The following MTOR variants were observed in gnomAD, a reference collection of about 807,000 sequenced individuals.
The protein encoded by MTOR is serine/threonine-protein kinase mTOR.
MTOR carries 70 observed loss-of-function variants against 319.8 expected under a neutral mutation model. That is an observed-to-expected ratio of 0.22 (90% CI 0.18 to 0.27). The LOEUF is 0.27. Among genes scored for constraint, MTOR ranks in the 10% least tolerant of loss-of-function variants. The probability of loss-of-function intolerance (pLI) is 1.00; values close to 1 mark genes in which losing one functional copy is unlikely to be tolerated. For synonymous variants in MTOR, 1,183 were observed against 1,211.4 expected, an observed-to-expected ratio of 0.98 and a Z score of 0.49; for missense variants, 1,890 against 3,274.4, an observed-to-expected ratio of 0.58 and a Z score of 10.32.
At chr1:11,234,823 T>C (rs1647142978) in intron 13 of MTOR, among the ~76,000 whole-genome samples, 1 of 152,104 alleles carries the variant, frequency 6.6e-6, no homozygotes, top group African/African-American at 2.4e-5. Context: ...GAAGCCTTAC[T>C]GACTGGAGAT....
intron 11 of MTOR, among the ~76,000 whole-genome samples, chr1:11,239,832 G>A (rs997922612): frequency 6.6e-6 from 1 of 151,478 alleles, no homozygotes; most frequent in African/African-American, 2.4e-5. Context: ...TTGAACCCAG[G>A]AGGCAGAGGT....
intron 4 of MTOR, 59 bp downstream of exon 4, chr1:11,256,874 C>A: frequency 1.3e-6 from 2 of 1,501,240 alleles, no homozygotes; most frequent in Non-Finnish European, 1.8e-6. Flanking sequence ...AAGCAAAAGA[C>A]CCCCCCATGA....
intron 29 of MTOR, among the ~76,000 whole-genome samples, chr1:11,159,974 G>A (rs1448718918): frequency 6.6e-6 from 1 of 152,066 alleles, no homozygotes; most frequent in Non-Finnish European, 1.5e-5. Context: ...AAGAATAACA[G>A]AAACATTTTA....
intron 28 of MTOR, among the ~76,000 whole-genome samples, chr1:11,174,789 C>T (rs992922186): frequency 4.1e-4 from 62 of 152,242 alleles, no homozygotes; most frequent in Middle Eastern, 3.4e-3. Flanking sequence ...TCTATAAACA[C>T]CCCCTTGGGT....
chr1:11,149,548 G>A (rs1361680764), intron 31 of MTOR: 1 of 152,400 alleles, frequency 6.6e-6, no homozygotes, highest in Non-Finnish European at 1.5e-5. Flanking sequence ...GTAAATGTAA[G>A]TAAAGTGTCT....
At chr1:11,197,626 C>A (rs1239943767) in intron 28 of MTOR, among the ~76,000 whole-genome samples, 1 of 152,198 alleles carries the variant, frequency 6.6e-6, no homozygotes, top group Non-Finnish European at 1.5e-5. Flanking sequence ...ATTGCAACCT[C>A]CACCTCCCAG....
At position 11,252,549 on chromosome 1, in the gene MTOR, T is replaced by C. The variant is rs565606040; in HGVS notation, c.840+1290A>G. Among the ~76,000 whole-genome samples, 3 of 152,272 alleles carry C rather than the reference T, an allele frequency of 2.0e-5. No homozygotes were observed. In the South Asian group the frequency reaches 6.2e-4, roughly 32 times the overall value. ...GCCCAATGAGGTAGGTAAGAGCCCC[T>C]GTCCAAAGGGAGAAAAATGAGGCTA... is the stretch of plus-strand genomic sequence containing the variant. On this transcript the variant is annotated intron_variant, in intron 6 of 57. Coordinates refer to ENST00000361445, the MANE Select transcript of MTOR (RefSeq NM_004958.4).
chr1:11,256,476 G>T (rs564890784), intron 4 of MTOR, among the ~76,000 whole-genome samples: 3 of 152,342 alleles, frequency 2.0e-5, no homozygotes, highest in South Asian at 2.1e-4. Flanking sequence ...TATACTAACA[G>T]CCTAGAACTC....
At chr1:11,252,851 C>T (rs1649872885) in intron 6 of MTOR, among the ~76,000 whole-genome samples, 1 of 152,218 alleles carries the variant, frequency 6.6e-6, no homozygotes, top group Non-Finnish European at 1.5e-5. Flanking sequence ...AAAGCCACCA[C>T]TGTCACTCAC....
At position 11,205,342 on chromosome 1, in the gene MTOR, C is replaced by A. The variant is rs529153673; in HGVS notation, c.3802-639G>T. Among the ~76,000 whole-genome samples the A allele has an allele frequency of 8.5e-5, 13 of 152,310 alleles. No homozygotes were observed. The South Asian group carries it at 2.5e-3, about 29-fold the overall frequency. On this transcript the variant is annotated intron_variant, in intron 25 of 57. Coordinates refer to ENST00000361445, the MANE Select transcript of MTOR (RefSeq NM_004958.4). ...AGTATAGTGTAGTGGGCAACAGCTA[C>A]ACTTGACTCAATGGCTTCAGTTCAA...
chr1:11,128,302 G>C lies in MTOR; in HGVS notation c.5910+152C>G. ...GCTTTCTTTTTAGCAAGGCTCCCGG[G>C]CCCTCTGGGACGGCTGGCTGGACAG... On this transcript the variant is annotated intron_variant, in intron 42 of 57. Transcript: ENST00000361445. This position sits in a 1 kb window ranked among gnomAD's most constrained non-coding sequence, Gnocchi z 5.3. 7.5e-6 allele frequency: 9 copies of C among 1,204,198 alleles called. No homozygotes were observed. Among genetic ancestry groups the C allele is most frequent in the Non-Finnish European group, 1.1e-5 (9 of 856,138 alleles). 74.6% of individuals were successfully genotyped at this position (1,204,198 alleles called of 1,614,324 possible).
At chr1:11,233,768 A>T (rs1451299568) in intron 14 of MTOR, among the ~76,000 whole-genome samples, 2 of 152,214 alleles carry the variant, frequency 1.3e-5, no homozygotes, top group Non-Finnish European at 2.9e-5. Context: ...ATTAACATAC[A>T]TTATAAAGGA....
At chr1:11,255,878 C>T in intron 5 of MTOR, 114 bp downstream of exon 5, 1 of 946,498 alleles carries the variant, frequency 1.1e-6, no homozygotes, top group Non-Finnish European at 1.5e-6. Flanking sequence ...CATTTGAGAG[C>T]AAACCAAAAC....
intron 11 of MTOR, among the ~76,000 whole-genome samples, chr1:11,239,079 C>G (rs557127364): frequency 6.6e-6 from 1 of 152,122 alleles, no homozygotes; most frequent in South Asian, 2.1e-4. Flanking sequence ...AGGCCTGACC[C>G]AGAACTTTTA....
intron 23 of MTOR, 23 bp from the exon 24 acceptor site, chr1:11,210,929 T>G: frequency 7.0e-7 from 1 of 1,428,018 alleles, no homozygotes; most frequent in Non-Finnish European, 9.8e-7. Context: ...GGGGAAGAGA[T>G]GAGAAACTAT....
chr1:11,194,585 A>G, intron 28 of MTOR: 2 of 1,614,224 alleles, frequency 1.2e-6, no homozygotes, highest in East Asian at 2.2e-5. Context: ...CTCCAGTATC[A>G]TAACAACACA....
At chr1:11,251,936 A>G (rs1649749486) in intron 6 of MTOR, among the ~76,000 whole-genome samples, 1 of 152,188 alleles carries the variant, frequency 6.6e-6, no homozygotes, top group African/African-American at 2.4e-5. Flanking sequence ...ACAGTGGAAA[A>G]CATTATGTTA....
At chr1:11,194,891 C>A (rs766890989) in intron 28 of MTOR, 4 of 1,614,184 alleles carry the variant, frequency 2.5e-6, no homozygotes, top group Non-Finnish European at 3.4e-6. Context: ...ACTCCAACCT[C>A]AATGGAGTGT....
At chr1:11,250,217 C>CA (rs1649469693) in intron 6 of MTOR, among the ~76,000 whole-genome samples, 1 of 78,518 alleles carries the variant, frequency 1.3e-5, no homozygotes, top group African/African-American at 3.2e-5. Flanking sequence ...GCTGGCCGGG[C>CA]GGGGGGCTGA....
Sources: allele counts gnomAD v4.1 joint callset (sites outside exome capture counted in the v4.1 genomes callset), GRCh38; gene constraint gnomAD v4.1.1; non-coding constraint Gnocchi (gnomAD v3.1); transcripts MANE v1.5; gene names NCBI Gene and HGNC (gene_info 2026-07-23, HGNC 2026-07-21).